The following PTPRN2 variants were observed in gnomAD, a reference collection of about 807,000 sequenced individuals.
PTPRN2 encodes protein tyrosine phosphatase receptor type N2, also known as receptor-type tyrosine-protein phosphatase N2.
In PTPRN2, 74 loss-of-function variants were observed where a neutral mutation model predicts 118.8. That is an observed-to-expected ratio of 0.62 (90% confidence interval 0.52 to 0.76). PTPRN2 has a LOEUF of 0.76. Among genes scored for constraint, PTPRN2 ranks in the 30% least tolerant of loss-of-function variants. PTPRN2 has a pLI of 0.00. For missense variants in PTPRN2, 1,481 were observed against 1,394.4 expected (o/e 1.06, Z -0.99); for synonymous variants, 641 against 608.0 (o/e 1.05, Z -0.80).
chr7:158,175,327 T>C (rs1446280734), intron 5 of PTPRN2, among the ~76,000 whole-genome samples: 1 of 152,150 alleles, frequency 6.6e-6, no homozygotes, highest in Admixed American at 6.5e-5. Flanking sequence ...GTTTGGGAGC[T>C]GAGGTGGGAA....
rs751454483 is a variant in PTPRN2, at chr7:157,674,125, C to A, written c.2001+8600G>T. On this transcript the variant is annotated intron_variant, in intron 13 of 22. Coordinates refer to ENST00000389418, the MANE Select transcript of PTPRN2 (RefSeq NM_002847.5). The surrounding 1 kb of genome is among the most constrained non-coding windows in gnomAD (Gnocchi z 4.5). Reference sequence around the variant, plus strand: ...CCAACACCAATCACAGCTCTGGGGACCCCCACGTGTCAGCCATGGCAAAAT... The same window carrying A: ...CCAACACCAATCACAGCTCTGGGGAACCCCACGTGTCAGCCATGGCAAAAT... Among the ~76,000 whole-genome samples, 14 of 152,106 alleles carry A rather than the reference C, an allele frequency of 9.2e-5. No homozygotes were observed. Among genetic ancestry groups the A allele is most frequent in the Non-Finnish European group, 1.9e-4 (13 of 68,022 alleles).
chr7:158,125,906 T>G (rs1006492071), intron 9 of PTPRN2, among the ~76,000 whole-genome samples: 15 of 152,308 alleles, frequency 9.8e-5, no homozygotes, highest in Non-Finnish European at 1.8e-4. Context: ...GGCACCCTGC[T>G]GGTTCTCGTG....
chr7:158,368,319 T>C (rs1809688074), intron 2 of PTPRN2, among the ~76,000 whole-genome samples: 1 of 152,212 alleles, frequency 6.6e-6, no homozygotes, highest in Non-Finnish European at 1.5e-5. Flanking sequence ...CCCCCGCTTG[T>C]GTTGACTTCA....
chr7:158,353,554 C>A (rs1351468908), intron 2 of PTPRN2, among the ~76,000 whole-genome samples: 1 of 152,162 alleles, frequency 6.6e-6, no homozygotes, highest in African/African-American at 2.4e-5. Context: ...CAAGCTGTCT[C>A]ACCACCCCAG....
intron 6 of PTPRN2, among the ~76,000 whole-genome samples, chr7:158,165,460 C>T (rs1019462132): frequency 1.3e-5 from 2 of 152,354 alleles, no homozygotes; most frequent in Non-Finnish European, 1.5e-5. Context: ...GAGAAAGCAT[C>T]GGTAATGGTC....
intron 11 of PTPRN2, among the ~76,000 whole-genome samples, chr7:157,981,923 T>C (rs1563295131): frequency 6.6e-6 from 1 of 152,078 alleles, no homozygotes; most frequent in Non-Finnish European, 1.5e-5. Context: ...GAATGTGGGG[T>C]CCCCCCAAAC....
At chr7:158,274,322 CAG>C (rs1307317348) in intron 3 of PTPRN2, among the ~76,000 whole-genome samples, 1 of 106,576 alleles carries the variant, frequency 9.4e-6, no homozygotes, top group Non-Finnish European at 1.8e-5. Flanking sequence ...GCCGCAGCCA[CAG>C]GGGGAGCCGC....
chr7:157,769,370 C>T (rs1802668304), intron 12 of PTPRN2, among the ~76,000 whole-genome samples: 3 of 152,238 alleles, frequency 2.0e-5, no homozygotes, highest in African/African-American at 7.2e-5. Context: ...TGGAATTCCA[C>T]ACCCCTTCCC....
intron 2 of PTPRN2, among the ~76,000 whole-genome samples, chr7:158,434,993 G>A (rs1458431613): frequency 6.6e-6 from 1 of 152,108 alleles, no homozygotes; most frequent in Admixed American, 6.5e-5. Flanking sequence ...ACCTGAACCT[G>A]TAAACCGCCT....
chr7:158,361,970 C>CG (rs1809019837), intron 2 of PTPRN2, among the ~76,000 whole-genome samples: 1 of 152,154 alleles, frequency 6.6e-6, no homozygotes, highest in Non-Finnish European at 1.5e-5. Context: ...CTCCTCCCTT[C>CG]GTTTCTTGGC....
At chr7:158,151,102 C>A (rs1407362552) in intron 6 of PTPRN2, among the ~76,000 whole-genome samples, 3 of 58,108 alleles carry the variant, frequency 5.2e-5, no homozygotes, top group African/African-American at 1.3e-4. Flanking sequence ...AACCGCCCGC[C>A]TTTCTGCTCC....
At position 158,035,150 on chromosome 7, in the gene PTPRN2, C is replaced by T. The variant is rs115389698; in HGVS notation, c.1723+46148G>A. On this transcript the variant is annotated intron_variant, in intron 11 of 22. Transcript: ENST00000389418. ...GTCAGTGTGTTTACACGCATCGTCACGATAGTGTGTTTACACGCATCAGCA... is the reference window on the plus strand; with the variant it reads ...GTCAGTGTGTTTACACGCATCGTCATGATAGTGTGTTTACACGCATCAGCA... Among the ~76,000 whole-genome samples the T allele has an allele frequency of 2.9e-3, 438 of 152,296 alleles. 1 individual carries two copies. Among genetic ancestry groups the T allele is most frequent in the African/African-American group, 9.9e-3 (412 of 41,560 alleles).
chr7:158,059,501 G>A (rs544496169), intron 11 of PTPRN2, among the ~76,000 whole-genome samples: 12 of 112,984 alleles, frequency 1.1e-4, no homozygotes, highest in Non-Finnish European at 2.0e-4. Context: ...CACTCCATCT[G>A]CACACAGTGA....
Position 158,316,806 on chromosome 7 carries a change from A to G in PTPRN2, c.277+13T>C, listed in dbSNP as rs1357516831. The G allele has an allele frequency of 4.4e-6, 7 of 1,582,730 alleles. No individual in the cohort carries two copies. Among genetic ancestry groups the G allele is most frequent in the Non-Finnish European group, 6.0e-6 (7 of 1,170,022 alleles). On this transcript the variant is annotated intron_variant, in intron 3 of 22. Transcript: ENST00000389418. ...TGCGGCAGCCGCCGAGCCTCGGCCC[A>G]CGCCCGCCCTACCTGTGCCGGAAAG...
Position 158,563,007 on chromosome 7 carries a change from G to A in PTPRN2, c.112+24551C>T, listed in dbSNP as rs902633646. 6.6e-6 allele frequency among the ~76,000 whole-genome samples: 1 copy of A among 152,204 alleles called. No individual in the cohort carries two copies. The highest frequency in any genetic ancestry group is 1.5e-5 in the Non-Finnish European group (1 of 68,032). ...CCACAGCAAATGTTTCCTGGCCCAG[G>A]AAAACCTACATTGAGGGGGCAGGGT... On this transcript the variant is annotated intron_variant, in intron 1 of 22. Coordinates refer to ENST00000389418, the MANE Select transcript of PTPRN2 (RefSeq NM_002847.5). The surrounding 1 kb of genome is among the most constrained non-coding windows in gnomAD (Gnocchi z 5.1).
At chr7:157,631,284 C>T (rs1030214633) in intron 14 of PTPRN2, among the ~76,000 whole-genome samples, 1 of 152,114 alleles carries the variant, frequency 6.6e-6, no homozygotes, top group Non-Finnish European at 1.5e-5. Flanking sequence ...GTATGCAGTT[C>T]GGGTGGAGAA....
At chr7:158,328,206 G>A (rs931229949) in intron 2 of PTPRN2, among the ~76,000 whole-genome samples, 7 of 152,126 alleles carry the variant, frequency 4.6e-5, no homozygotes, top group Non-Finnish European at 2.9e-5. Context: ...AATTCCAGGA[G>A]GCCAAAGGTG....
intron 11 of PTPRN2, among the ~76,000 whole-genome samples, chr7:158,041,123 T>C (rs1215362156): frequency 1.3e-5 from 2 of 152,272 alleles, no homozygotes; most frequent in Admixed American, 6.5e-5. Flanking sequence ...ACACAGCAGA[T>C]ACCAGGGAAA....
chr7:158,011,416 G>T (rs1255644504), intron 11 of PTPRN2, among the ~76,000 whole-genome samples: 1 of 152,080 alleles, frequency 6.6e-6, no homozygotes, highest in African/African-American at 2.4e-5. Context: ...AAGATGCACA[G>T]GTGTTTGATT....
Sources: gnomAD v4.1 joint callset for allele counts (sites outside exome capture counted in the v4.1 genomes callset) on GRCh38, gnomAD v4.1.1 for gene constraint, Gnocchi (gnomAD v3.1) non-coding constraint, MANE v1.5 for transcripts, NCBI Gene and HGNC (gene_info 2026-07-23, HGNC 2026-07-21) for gene names.